Variants in TPH2 observed in about 807,000 individuals in gnomAD.
TPH2 encodes the protein tryptophan 5-hydroxylase 2.
Under a neutral mutation model 59.1 loss-of-function variants are expected in TPH2, and 27 were observed. The ratio of observed to expected loss-of-function variants is 0.46; its 90% confidence interval spans 0.34 to 0.63. TPH2 has a LOEUF of 0.63. Among genes scored for constraint, TPH2 ranks in the 30% least tolerant of loss-of-function variants. TPH2 has a pLI of 0.01. For missense variants in TPH2, 523 were observed against 588.3 expected, an observed-to-expected ratio of 0.89 and a Z score of 1.15; for synonymous variants, 220 against 210.5, an observed-to-expected ratio of 1.05 and a Z score of -0.39.
Position 71,979,651 on chromosome 12 carries a change from T to C in TPH2, c.941+564T>C, listed in dbSNP as rs548165277. 6.6e-5 allele frequency among the ~76,000 whole-genome samples: 10 copies of C among 152,306 alleles called. No homozygotes were observed. The East Asian group carries it at 1.5e-3, about 24-fold the overall frequency. ...TGTCAGTTTTCCTTTGGGGCTTTTATCCATTCTCTCCTGGACAATGGGTAA... is the reference window on the plus strand; with the variant it reads ...TGTCAGTTTTCCTTTGGGGCTTTTACCCATTCTCTCCTGGACAATGGGTAA... On this transcript the variant is annotated intron_variant, in intron 7 of 10. Coordinates refer to ENST00000333850, the MANE Select transcript of TPH2 (RefSeq NM_173353.4).
chr12:71,979,133 C>A, intron 7 of TPH2, 46 bp downstream of exon 7: 1 of 1,612,276 alleles, frequency 6.2e-7, no homozygotes, highest in South Asian at 1.1e-5. Flanking sequence ...ATAAAGTGGT[C>A]AATGATCCCT....
chr12:71,999,771 T>C (rs1026437989), intron 8 of TPH2, among the ~76,000 whole-genome samples: 1 of 152,356 alleles, frequency 6.6e-6, no homozygotes, highest in Non-Finnish European at 1.5e-5. Context: ...CTGCAAGTGA[T>C]GTCTGCAAAA....
rs141422595 is a variant in TPH2, at chr12:71,975,222, G to A, written c.805+2507G>A. Among the ~76,000 whole-genome samples, 260 of 152,224 alleles carry A rather than the reference G, an allele frequency of 1.7e-3. 2 individuals carry two copies. The highest frequency in any genetic ancestry group is 6.2e-3 in the South Asian group (30 of 4,808). On this transcript the variant is annotated intron_variant, in intron 6 of 10. Coordinates refer to ENST00000333850, the MANE Select transcript of TPH2 (RefSeq NM_173353.4). ...TGGCTGGGCGTGGTGGTGGGCGCCT[G>A]CAGTCCTAGCTACTTGTGGGGCTGA... is the stretch of plus-strand genomic sequence containing the variant.
chr12:72,029,491 G>A (rs1005486826), intron 9 of TPH2, among the ~76,000 whole-genome samples: 3 of 152,168 alleles, frequency 2.0e-5, no homozygotes, highest in African/African-American at 4.8e-5. Context: ...TTGCAGAGGG[G>A]CAACAACTTT....
At chr12:71,960,965 T>C (rs1372362504) in intron 5 of TPH2, among the ~76,000 whole-genome samples, 4 of 152,186 alleles carry the variant, frequency 2.6e-5, no homozygotes, top group African/African-American at 9.7e-5. Context: ...ATCAACTATA[T>C]TGAGTACCTA....
At chr12:71,944,000 AC>A (rs1871138346) in intron 2 of TPH2, among the ~76,000 whole-genome samples, 1 of 152,096 alleles carries the variant, frequency 6.6e-6, no homozygotes, top group Non-Finnish European at 1.5e-5. Flanking sequence ...TGGGATGTGT[AC>A]CACTCTGTGG....
intron 8 of TPH2, among the ~76,000 whole-genome samples, chr12:71,998,565 T>G (rs1295532232): frequency 6.6e-6 from 1 of 152,032 alleles, no homozygotes; most frequent in Non-Finnish European, 1.5e-5. Context: ...AATAACCTGT[T>G]GGATACCATG....
chr12:71,965,572 A>C (rs1871796138), intron 5 of TPH2: 1 of 152,174 alleles, frequency 6.6e-6, no homozygotes, highest in South Asian at 2.1e-4. Flanking sequence ...TATTGGCTGC[A>C]TGTATGCCTT....
chr12:72,015,769 C>T (rs1474927953), intron 8 of TPH2, among the ~76,000 whole-genome samples: 1 of 152,036 alleles, frequency 6.6e-6, no homozygotes, highest in African/African-American at 2.4e-5. Context: ...CTGAAAGGAC[C>T]CTGGAATTCC....
intron 8 of TPH2, among the ~76,000 whole-genome samples, chr12:72,019,375 C>G (rs1033881319): frequency 6.6e-6 from 1 of 152,190 alleles, no homozygotes; most frequent in African/African-American, 2.4e-5. Context: ...CCAGCAACTT[C>G]CCATTGCTCT....
intron 8 of TPH2, among the ~76,000 whole-genome samples, chr12:71,997,760 AG>A (rs1872729042): frequency 1.4e-5 from 2 of 141,096 alleles, no homozygotes; most frequent in East Asian, 2.5e-4. Context: ...AGGTAGGGAC[AG>A]GGGGAAAAAA....
At chr12:72,025,302 T>G (rs747075222) in intron 9 of TPH2, among the ~76,000 whole-genome samples, 2 of 152,182 alleles carry the variant, frequency 1.3e-5, no homozygotes, top group Admixed American at 6.5e-5. Context: ...TACAACTTTT[T>G]AGATTGGGTT....
chr12:71,991,208 C>T (rs1872573186), intron 7 of TPH2, among the ~76,000 whole-genome samples: 1 of 152,168 alleles, frequency 6.6e-6, no homozygotes, highest in African/African-American at 2.4e-5. Context: ...TAACTTTTCA[C>T]CTTACGTTCT....
chr12:71,994,835 C>G (rs1220423915), intron 8 of TPH2, among the ~76,000 whole-genome samples: 4 of 152,304 alleles, frequency 2.6e-5, no homozygotes, highest in Admixed American at 1.3e-4. Flanking sequence ...CGTAAGGACT[C>G]TGTCAGAATT....
chr12:72,008,284 A>G (rs1429177795), intron 8 of TPH2, among the ~76,000 whole-genome samples: 1 of 152,252 alleles, frequency 6.6e-6, no homozygotes, highest in African/African-American at 2.4e-5. Context: ...CTAATGGGCT[A>G]TCTCTACCTT....
chr12:72,008,945 G>A (rs759986676), intron 8 of TPH2, among the ~76,000 whole-genome samples: 4 of 152,242 alleles, frequency 2.6e-5, no homozygotes, highest in Admixed American at 2.0e-4. Context: ...TCTGAGCAGT[G>A]TGCATGTGTG....
intron 6 of TPH2, among the ~76,000 whole-genome samples, chr12:71,974,129 C>A (rs1375222323): frequency 6.6e-6 from 1 of 152,176 alleles, no homozygotes; most frequent in African/African-American, 2.4e-5. Context: ...CTGGAACTTG[C>A]TTTCTTGCTT....
chr12:71,973,154 A>G (rs4760814), intron 6 of TPH2, among the ~76,000 whole-genome samples: 127,744 of 152,176 alleles, frequency 0.84, 53,758 homozygotes, highest in East Asian at 0.96. Context: ...ACTGTCAGAG[A>G]CGTTTGGACC....
chr12:71,971,137 A>G (rs1474158707), intron 5 of TPH2, among the ~76,000 whole-genome samples: 1 of 152,172 alleles, frequency 6.6e-6, no homozygotes, highest in Non-Finnish European at 1.5e-5. Flanking sequence ...GTGCTACTGA[A>G]TGATCCTAGC....
Sources: gnomAD v4.1 joint callset for allele counts (sites outside exome capture counted in the v4.1 genomes callset) on GRCh38, gnomAD v4.1.1 for gene constraint, MANE v1.5 for transcripts, NCBI Gene and HGNC (gene_info 2026-07-23, HGNC 2026-07-21) for gene names.